Variants in CNTNAP5 observed in about 807,000 individuals in gnomAD.
The protein encoded by CNTNAP5 is contactin-associated protein-like 5.
In CNTNAP5, 72 loss-of-function variants were observed where a neutral mutation model predicts 150.2. The observed-to-expected ratio is 0.48, with a 90% CI of 0.40 to 0.58. CNTNAP5 has a LOEUF of 0.58. Among genes scored for constraint, CNTNAP5 ranks in the 20% least tolerant of loss-of-function variants. The pLI is 0.00. For synonymous variants in CNTNAP5, 672 were observed against 619.8 expected, an observed-to-expected ratio of 1.08 and a Z score of -1.25; for missense variants, 1,636 against 1,626.2, an observed-to-expected ratio of 1.01 and a Z score of -0.10.
intron 1 of CNTNAP5, among the ~76,000 whole-genome samples, chr2:124,189,459 G>T (rs1049725914): frequency 6.6e-6 from 1 of 152,090 alleles, no homozygotes; most frequent in Non-Finnish European, 1.5e-5. Context: ...CCCTGGAGAG[G>T]TTCCAGACTA....
At chr2:124,102,756 A>C (rs1362429033) in intron 1 of CNTNAP5, among the ~76,000 whole-genome samples, 1 of 152,184 alleles carries the variant, frequency 6.6e-6, no homozygotes, top group Non-Finnish European at 1.5e-5. Flanking sequence ...GCTTCGGTCT[A>C]TATCTATGAA....
intron 1 of CNTNAP5, among the ~76,000 whole-genome samples, chr2:124,050,273 C>T (rs1030259988): frequency 1.4e-4 from 22 of 151,904 alleles, no homozygotes; most frequent in Non-Finnish European, 2.9e-5. Context: ...AGGTCAGCCC[C>T]GGCAACGTGG....
intron 3 of CNTNAP5, among the ~76,000 whole-genome samples, chr2:124,274,491 C>G (rs1249911483): frequency 7.3e-6 from 1 of 137,466 alleles, no homozygotes; most frequent in African/African-American, 2.5e-5. Flanking sequence ...AAAAGACAAT[C>G]AGGTTTTTTT....
At position 124,668,955 on chromosome 2, in the gene CNTNAP5, C is replaced by G. The variant is rs191956525; in HGVS notation, c.2077+20997C>G. 4.5e-4 allele frequency among the ~76,000 whole-genome samples: 68 copies of G among 152,268 alleles called. 3 individuals carry two copies. The East Asian group carries it at 0.012, about 28-fold the overall frequency. On this transcript the variant is annotated intron_variant, in intron 13 of 23. Transcript: ENST00000682447. Reference sequence around the variant, plus strand: ...ACCTTTAAGCCTTACTCACTCACTCCTCTTCCCACTTCCAGAGGTGCCTTC... The same window carrying G: ...ACCTTTAAGCCTTACTCACTCACTCGTCTTCCCACTTCCAGAGGTGCCTTC...
intron 8 of CNTNAP5, among the ~76,000 whole-genome samples, chr2:124,521,296 C>T (rs561172725): frequency 3.9e-5 from 6 of 152,290 alleles, no homozygotes; most frequent in East Asian, 1.9e-4. Context: ...TTTTCCTCCA[C>T]AGAGCTAAAC....
intron 1 of CNTNAP5, among the ~76,000 whole-genome samples, chr2:124,104,839 G>A (rs1382398440): frequency 1.3e-5 from 2 of 152,094 alleles, no homozygotes; most frequent in Non-Finnish European, 2.9e-5. Context: ...TGACAGCTTT[G>A]GTAGCTGGTA....
At chr2:124,038,525 G>A (rs72976583) in intron 1 of CNTNAP5, among the ~76,000 whole-genome samples, 75 of 152,210 alleles carry the variant, frequency 4.9e-4, no homozygotes, top group African/African-American at 1.7e-3. Flanking sequence ...TTCACACTGA[G>A]GCAATTAATC....
At chr2:124,834,383 C>T (rs1682784851) in intron 19 of CNTNAP5, among the ~76,000 whole-genome samples, 1 of 36,710 alleles carries the variant, frequency 2.7e-5, no homozygotes, top group South Asian at 1.1e-3. Flanking sequence ...ATCTTACCAG[C>T]TGTACTCTCT....
At chr2:124,601,634 G>T (rs1242059575) in intron 11 of CNTNAP5, among the ~76,000 whole-genome samples, 1 of 152,156 alleles carries the variant, frequency 6.6e-6, no homozygotes, top group African/African-American at 2.4e-5. Context: ...AGACATGAAT[G>T]AAGTATTGCG....
At chr2:124,655,778 G>T (rs990844787) in intron 13 of CNTNAP5, among the ~76,000 whole-genome samples, 1 of 151,656 alleles carries the variant, frequency 6.6e-6, no homozygotes, top group African/African-American at 2.4e-5. Flanking sequence ...GGGCACACTT[G>T]TAGTCCTATC....
At chr2:124,873,807 G>A (rs1411756735) in intron 21 of CNTNAP5, among the ~76,000 whole-genome samples, 1 of 152,016 alleles carries the variant, frequency 6.6e-6, no homozygotes, top group African/African-American at 2.4e-5. Flanking sequence ...ACACTAGAAA[G>A]CATTTTTCAT....
intron 1 of CNTNAP5, among the ~76,000 whole-genome samples, chr2:124,123,635 T>A (rs1683619830): frequency 6.6e-6 from 1 of 152,154 alleles, no homozygotes; most frequent in African/African-American, 2.4e-5. Context: ...CCGAGTAGCC[T>A]AACTGGGAGA....
intron 10 of CNTNAP5, among the ~76,000 whole-genome samples, chr2:124,548,917 C>T (rs1337172516): frequency 1.3e-5 from 2 of 152,112 alleles, no homozygotes; most frequent in Non-Finnish European, 2.9e-5. Context: ...TAATCTGACG[C>T]CTGGGCTATA....
chr2:124,308,846 G>A (rs919115985), intron 3 of CNTNAP5, among the ~76,000 whole-genome samples: 3 of 152,218 alleles, frequency 2.0e-5, no homozygotes, highest in Non-Finnish European at 4.4e-5. Flanking sequence ...AAGAATCTGT[G>A]TCTGTGAACC....
intron 13 of CNTNAP5, among the ~76,000 whole-genome samples, chr2:124,723,301 C>CT (rs527437012): frequency 4.6e-5 from 7 of 152,128 alleles, no homozygotes; most frequent in East Asian, 1.9e-4. Context: ...AATTCAGCCT[C>CT]TTTTTTTTAC....
At chr2:124,658,290 C>G (rs900857695) in intron 13 of CNTNAP5, among the ~76,000 whole-genome samples, 4 of 152,110 alleles carry the variant, frequency 2.6e-5, no homozygotes, top group African/African-American at 9.7e-5. Flanking sequence ...TCTCTGTAAC[C>G]TTGAGATGTT....
intron 4 of CNTNAP5, among the ~76,000 whole-genome samples, chr2:124,422,262 G>T (rs1379760438): frequency 6.6e-6 from 1 of 152,084 alleles, no homozygotes; most frequent in African/African-American, 2.4e-5. Context: ...GCTAAAGATT[G>T]GTAGAATTCT....
At chr2:124,882,512 G>A (rs1677984007) in intron 21 of CNTNAP5, among the ~76,000 whole-genome samples, 1 of 152,098 alleles carries the variant, frequency 6.6e-6, no homozygotes, top group South Asian at 2.1e-4. Flanking sequence ...GTAAAACTAT[G>A]TGTAACCAAG....
intron 1 of CNTNAP5, among the ~76,000 whole-genome samples, chr2:124,074,989 G>A (rs1445192412): frequency 6.6e-6 from 1 of 152,000 alleles, no homozygotes; most frequent in East Asian, 1.9e-4. Context: ...AGCTGAAATT[G>A]CATCAAACAC....
Sources: gnomAD v4.1 joint callset for allele counts (sites outside exome capture counted in the v4.1 genomes callset) on GRCh38, gnomAD v4.1.1 for gene constraint, MANE v1.5 for transcripts, NCBI Gene and HGNC (gene_info 2026-07-23, HGNC 2026-07-21) for gene names.